Variants in TNIK observed in about 807,000 individuals in gnomAD.
The protein encoded by TNIK is TRAF2 and NCK interacting kinase.
Under a neutral mutation model 191.3 loss-of-function variants are expected in TNIK, and 49 were observed. That is an observed-to-expected ratio of 0.26 (90% confidence interval 0.20 to 0.32). The LOEUF (loss-of-function observed/expected upper bound fraction) is 0.32. Ranked by LOEUF, TNIK falls within the 10% of genes least tolerant of loss-of-function variation. The probability of loss-of-function intolerance (pLI) is 1.00; values close to 1 mark genes in which losing one functional copy is unlikely to be tolerated. For missense variants in TNIK, 1,155 were observed against 1,702.3 expected (o/e 0.68, Z 5.66); for synonymous variants, 594 against 600.9 (o/e 0.99, Z 0.17).
At chr3:171,232,443 A>T (rs1388308361) in intron 2 of TNIK, among the ~76,000 whole-genome samples, 1 of 152,208 alleles carries the variant, frequency 6.6e-6, no homozygotes, top group African/African-American at 2.4e-5. Flanking sequence ...TCTCCATGAA[A>T]ATTAGAGAAA....
At chr3:171,166,777 T>G (rs1734670577) in intron 10 of TNIK, among the ~76,000 whole-genome samples, 1 of 152,236 alleles carries the variant, frequency 6.6e-6, no homozygotes. Flanking sequence ...AGAGTTTTAG[T>G]CTTCTAAACA....
At chr3:171,437,487 T>A (rs1242945398) in intron 1 of TNIK, among the ~76,000 whole-genome samples, 2 of 152,220 alleles carry the variant, frequency 1.3e-5, no homozygotes, top group African/African-American at 4.8e-5. Context: ...GGGGAGGCTT[T>A]TACCCTGTGC....
At chr3:171,386,237 A>G (rs139758624) in intron 1 of TNIK, among the ~76,000 whole-genome samples, 2 of 152,352 alleles carry the variant, frequency 1.3e-5, no homozygotes, top group East Asian at 1.9e-4. Flanking sequence ...AGAGAGATGA[A>G]TACATGTATC....
At chr3:171,381,624 A>G (rs1400036361) in intron 1 of TNIK, among the ~76,000 whole-genome samples, 2 of 152,172 alleles carry the variant, frequency 1.3e-5, no homozygotes, top group Non-Finnish European at 2.9e-5. Context: ...CAAAAATTCC[A>G]ATTTTATTTG....
intron 2 of TNIK, among the ~76,000 whole-genome samples, chr3:171,284,899 G>A (rs964330231): frequency 2.6e-5 from 4 of 152,164 alleles, no homozygotes; most frequent in Admixed American, 1.3e-4. Context: ...CAGAGAAAGC[G>A]TGCGCTGACT....
At chr3:171,354,428 A>G (rs1032626524) in intron 2 of TNIK, among the ~76,000 whole-genome samples, 14 of 152,148 alleles carry the variant, frequency 9.2e-5, no homozygotes, top group Admixed American at 7.9e-4. Flanking sequence ...AACCTCCAGG[A>G]CCTCGGAGGG....
intron 1 of TNIK, among the ~76,000 whole-genome samples, chr3:171,437,335 CA>C (rs1726151465): frequency 6.6e-6 from 1 of 152,170 alleles, no homozygotes; most frequent in Non-Finnish European, 1.5e-5. Context: ...TGCTCTGTTC[CA>C]GGAATGCCAT....
chr3:171,262,737 T>C (rs1747806777), intron 2 of TNIK, among the ~76,000 whole-genome samples: 1 of 152,254 alleles, frequency 6.6e-6, no homozygotes. Flanking sequence ...CCCTTCTTCC[T>C]TGATGAGGGA....
chr3:171,323,821 T>C (rs1368017371), intron 2 of TNIK, among the ~76,000 whole-genome samples: 2 of 152,198 alleles, frequency 1.3e-5, no homozygotes, highest in African/African-American at 2.4e-5. Context: ...AGCTATGATC[T>C]AGAGCAAAGG....
At chr3:171,063,986 T>A in intron 32 of TNIK, 22 bp from the exon 33 acceptor site, 1 of 1,607,520 alleles carries the variant, frequency 6.2e-7, no homozygotes, top group African/African-American at 1.3e-5. Context: ...TAAAAAGAAG[T>A]TAGTTCAACT....
At chr3:171,069,910 G>A (rs1035704659) in intron 29 of TNIK, among the ~76,000 whole-genome samples, 1 of 152,222 alleles carries the variant, frequency 6.6e-6, no homozygotes, top group African/African-American at 2.4e-5. Context: ...CTATGGGAAG[G>A]CTTGGCCTCT....
intron 2 of TNIK, among the ~76,000 whole-genome samples, chr3:171,343,100 C>T (rs1319706615): frequency 6.6e-6 from 1 of 150,728 alleles, no homozygotes; most frequent in Non-Finnish European, 1.5e-5. Flanking sequence ...ATCTTCATAG[C>T]AATGTTGAAA....
At chr3:171,426,808 T>C (rs545707462) in intron 1 of TNIK, among the ~76,000 whole-genome samples, 9 of 151,956 alleles carry the variant, frequency 5.9e-5, no homozygotes, top group Non-Finnish European at 1.2e-4. Context: ...TAGGCAAAGG[T>C]GACAGAGGAA....
chr3:171,393,113 C>T (rs1577751853), intron 1 of TNIK, among the ~76,000 whole-genome samples: 1 of 152,190 alleles, frequency 6.6e-6, no homozygotes, highest in Admixed American at 6.5e-5. Context: ...TAGCTCAGTG[C>T]ACTTTCTCAG....
intron 1 of TNIK, among the ~76,000 whole-genome samples, chr3:171,450,522 T>C (rs1728043268): frequency 6.6e-6 from 1 of 152,194 alleles, no homozygotes; most frequent in African/African-American, 2.4e-5. Context: ...AAGTAACTTC[T>C]CTGACCCCAA....
At position 171,129,680 on chromosome 3, in the gene TNIK, C is replaced by T. The variant is rs528427067; in HGVS notation, c.1609-802G>A. Among the ~76,000 whole-genome samples, 3 of 152,308 alleles carry T rather than the reference C, an allele frequency of 2.0e-5. No individual in the cohort carries two copies. In the East Asian group the frequency reaches 5.8e-4, roughly 29 times the overall value. ...CATTTCCTTGTCATTCCCTTTCTTCCAGGGTCTCTTTCAGCCCAAAGCAGA... is the reference window on the plus strand; with the variant it reads ...CATTTCCTTGTCATTCCCTTTCTTCTAGGGTCTCTTTCAGCCCAAAGCAGA... On this transcript the variant is annotated intron_variant, in intron 15 of 32. Transcript: ENST00000436636.
chr3:171,215,425 C>T lies in TNIK; in HGVS notation c.181-4184G>A, dbSNP rs193200044. ...ATGAAGCTGGATCCTATTTTACAAA[C>T]GAGTAAAATGAGTCTCAGAGAAGTT... On this transcript the variant is annotated intron_variant, in intron 3 of 32. Transcript: ENST00000436636. Among the ~76,000 whole-genome samples, 174 of 152,204 alleles carry T rather than the reference C, an allele frequency of 1.1e-3. 1 individual carries two copies. The highest frequency in any genetic ancestry group is 5.3e-4 in the Non-Finnish European group (36 of 68,008).
chr3:171,253,506 T>C (rs909928455), intron 2 of TNIK, among the ~76,000 whole-genome samples: 6 of 151,552 alleles, frequency 4.0e-5, no homozygotes, highest in Non-Finnish European at 5.9e-5. Context: ...ACCCTCCCTT[T>C]AAGCTTGTGA....
intron 32 of TNIK, among the ~76,000 whole-genome samples, chr3:171,065,793 T>C (rs1223677417): frequency 6.6e-6 from 1 of 152,192 alleles, no homozygotes; most frequent in Non-Finnish European, 1.5e-5. Context: ...TAAAGGTGAA[T>C]ATAAGGTGAT....
Sources: gnomAD v4.1 joint callset for allele counts (sites outside exome capture counted in the v4.1 genomes callset) on GRCh38, gnomAD v4.1.1 for gene constraint, MANE v1.5 for transcripts, NCBI Gene and HGNC (gene_info 2026-07-23, HGNC 2026-07-21) for gene names.